The following RANBP2 variants were observed in gnomAD, a reference collection of about 807,000 sequenced individuals.
RANBP2 encodes E3 SUMO-protein ligase RanBP2.
RANBP2 carries 57 observed loss-of-function variants against 303.6 expected under a neutral mutation model. The observed-to-expected ratio is 0.19, with a 90% confidence interval of 0.15 to 0.23. RANBP2 has a LOEUF of 0.23. Ranked by LOEUF, RANBP2 falls within the 10% of genes least tolerant of loss-of-function variation. The pLI is 1.00. For missense variants in RANBP2, 3,138 were observed against 3,780.8 expected, an observed-to-expected ratio of 0.83 and a Z score of 4.46; for synonymous variants, 1,167 against 1,301.5, an observed-to-expected ratio of 0.90 and a Z score of 2.23.
At chr2:108,857,766 T>TA in the RANBP2 span, among the ~76,000 whole-genome samples, 1 of 152,214 alleles carries the variant, frequency 6.6e-6, no homozygotes, top group Non-Finnish European at 1.5e-5. Flanking sequence ...GATCCAGTAT[T>TA]ACTTAAGTGC....
chr2:109,121,042 C>T, the RANBP2 span, among the ~76,000 whole-genome samples: 8 of 152,186 alleles, frequency 5.3e-5, 1 homozygote, highest in South Asian at 4.2e-4. Flanking sequence ...GTCAGGAGAT[C>T]GAGACCATCC....
chr2:109,398,515 C>A, the RANBP2 span: 1 of 1,312,820 alleles, frequency 7.6e-7, no homozygotes, highest in Non-Finnish European at 1.0e-6. Context: ...GAAATGTGGC[C>A]TGGAGAGTGC....
At chr2:108,974,889 G>T in the RANBP2 span, among the ~76,000 whole-genome samples, 1 of 152,202 alleles carries the variant, frequency 6.6e-6, no homozygotes. Flanking sequence ...AACACTTGCA[G>T]TCTGCATGCT....
the RANBP2 span, chr2:108,794,581 G>C: frequency 1.2e-6 from 2 of 1,613,598 alleles, no homozygotes; most frequent in African/African-American, 2.7e-5. Context: ...ACCTCGGACT[G>C]AGTGTTGTAG....
chr2:109,216,295 TA>T, the RANBP2 span, among the ~76,000 whole-genome samples: 1 of 152,178 alleles, frequency 6.6e-6, no homozygotes, highest in Non-Finnish European at 1.5e-5. Flanking sequence ...GGAAGGGGAT[TA>T]AAGGAAATAG....
the RANBP2 span, among the ~76,000 whole-genome samples, chr2:108,798,816 T>TACACACACACACACACACAC: frequency 1.5e-5 from 2 of 131,556 alleles, no homozygotes; most frequent in African/African-American, 2.8e-5. Flanking sequence ...TCTCCACACC[T>TACACACACACACACACACAC]ACACACACAC....
chr2:109,614,731 A>G, the RANBP2 span: 52 of 1,489,764 alleles, frequency 3.5e-5, no homozygotes, highest in Non-Finnish European at 4.6e-5. Flanking sequence ...CACCTCAAGA[A>G]GAGGTTCTGT....
At chr2:109,198,782 G>A in the RANBP2 span, among the ~76,000 whole-genome samples, 1 of 152,168 alleles carries the variant, frequency 6.6e-6, no homozygotes, top group African/African-American at 2.4e-5. Flanking sequence ...ACCAAACCTA[G>A]GAAGTACAGC....
the RANBP2 span, among the ~76,000 whole-genome samples, chr2:109,525,089 T>C: frequency 6.6e-6 from 1 of 151,920 alleles, no homozygotes; most frequent in African/African-American, 2.4e-5. Flanking sequence ...GTTTTTTTTT[T>C]TTTTTTTGTG....
At chr2:109,318,100 C>CAA in the RANBP2 span, among the ~76,000 whole-genome samples, 2,560 of 134,568 alleles carry the variant, frequency 0.019, 98 homozygotes, top group African/African-American at 0.063. Flanking sequence ...TTTCAGTACG[C>CAA]AAAAAAAAAA....
chr2:109,491,624 C>G, the RANBP2 span, among the ~76,000 whole-genome samples: 19 of 152,272 alleles, frequency 1.2e-4, no homozygotes, highest in African/African-American at 4.6e-4. Flanking sequence ...GGGCTAGAGG[C>G]GTACCTGGCT....
At chr2:109,007,966 T>C in the RANBP2 span, among the ~76,000 whole-genome samples, 10,786 of 152,274 alleles carry the variant, frequency 0.071, 712 homozygotes, top group African/African-American at 0.17. Context: ...AAGCCGACCA[T>C]AGCAGGATGA....
the RANBP2 span, among the ~76,000 whole-genome samples, chr2:109,466,728 A>G: frequency 6.6e-6 from 1 of 152,052 alleles, no homozygotes; most frequent in South Asian, 2.1e-4. Context: ...TGGGTCCACA[A>G]TTCATTCTGA....
chr2:109,364,711 C>G, the RANBP2 span, among the ~76,000 whole-genome samples: 1 of 152,154 alleles, frequency 6.6e-6, no homozygotes, highest in African/African-American at 2.4e-5. Flanking sequence ...CTCAGTTTCC[C>G]CCACTCCTCT....
chr2:109,046,452 G>A, the RANBP2 span, among the ~76,000 whole-genome samples: 29 of 146,786 alleles, frequency 2.0e-4, no homozygotes, highest in African/African-American at 7.3e-4. Flanking sequence ...TGTTGCCCAG[G>A]CTGGAGTGCA....
chr2:109,357,430 C>T, the RANBP2 span, among the ~76,000 whole-genome samples: 1 of 152,210 alleles, frequency 6.6e-6, no homozygotes, highest in African/African-American at 2.4e-5. Flanking sequence ...ATCCACCCAC[C>T]TCGGCCTCCC....
At chr2:109,693,608 G>A in the RANBP2 span, among the ~76,000 whole-genome samples, 3 of 152,144 alleles carry the variant, frequency 2.0e-5, no homozygotes, top group African/African-American at 7.2e-5. Context: ...CTGCCACCAC[G>A]TAAGACGTGA....
At chr2:109,243,541 A>G in the RANBP2 span, among the ~76,000 whole-genome samples, 56 of 152,224 alleles carry the variant, frequency 3.7e-4, no homozygotes, top group African/African-American at 1.2e-3. Context: ...CATACAGGTA[A>G]TTAACACCAT....
chr2:109,669,216 G>A, the RANBP2 span, among the ~76,000 whole-genome samples: 1 of 152,146 alleles, frequency 6.6e-6, no homozygotes, highest in Non-Finnish European at 1.5e-5. Context: ...CAGAAACCAT[G>A]AAACTACTAG....
Sources: gnomAD v4.1 joint callset for allele counts (sites outside exome capture counted in the v4.1 genomes callset) on GRCh38, gnomAD v4.1.1 for gene constraint, MANE v1.5 for transcripts, NCBI Gene and HGNC (gene_info 2026-07-23, HGNC 2026-07-21) for gene names.